The following SEPTIN7 variants were observed in gnomAD, a reference collection of about 807,000 sequenced individuals.
SEPTIN7 encodes the protein septin-7.
A neutral mutation model predicts 63.3 loss-of-function variants in SEPTIN7; 10 were observed. The ratio of observed to expected loss-of-function variants is 0.16; its 90% confidence interval spans 0.10 to 0.27. The LOEUF (loss-of-function observed/expected upper bound fraction) is 0.27. SEPTIN7 is among the 10% of genes least tolerant of loss of function. The pLI is 1.00. For missense variants in SEPTIN7, 310 were observed against 521.0 expected (o/e 0.59, Z 3.94); for synonymous variants, 131 against 165.3 (o/e 0.79, Z 1.59).
chr7:35,855,761 T>A (rs532993510), intron 3 of SEPTIN7, among the ~76,000 whole-genome samples: 1 of 152,320 alleles, frequency 6.6e-6, no homozygotes, highest in South Asian at 2.1e-4. Flanking sequence ...CTGTGTAGCC[T>A]TACATAGGAT....
intron 3 of SEPTIN7, among the ~76,000 whole-genome samples, chr7:35,840,568 A>G (rs1431812302): frequency 6.6e-6 from 1 of 152,000 alleles, no homozygotes; most frequent in Non-Finnish European, 1.5e-5. Context: ...GTGAGTCATC[A>G]TGCCTGGCCA....
At chr7:35,850,060 T>C (rs1231455818) in intron 3 of SEPTIN7, among the ~76,000 whole-genome samples, 3 of 152,220 alleles carry the variant, frequency 2.0e-5, no homozygotes, top group African/African-American at 7.2e-5. Flanking sequence ...TTCATCTACC[T>C]TTCAAATCAT....
intron 10 of SEPTIN7, among the ~76,000 whole-genome samples, chr7:35,889,636 T>G (rs1255664809): frequency 6.6e-6 from 1 of 152,100 alleles, no homozygotes; most frequent in Non-Finnish European, 1.5e-5. Context: ...CTCCACTTCC[T>G]GGGTTCAAGC....
At chr7:35,832,930 CTTTGGTT>C (rs1413307348) in intron 3 of SEPTIN7, 30 bp downstream of exon 3, 10 of 1,318,034 alleles carry the variant, frequency 7.6e-6, no homozygotes, top group Non-Finnish European at 1.1e-5. Flanking sequence ...TAAAATGGAA[CTTTGGTT>C]TAAGTTTTAA....
intron 12 of SEPTIN7, chr7:35,902,245 G>T (rs1788367831): frequency 6.6e-6 from 1 of 150,430 alleles, no homozygotes; most frequent in Non-Finnish European, 1.5e-5. Flanking sequence ...GGATTGACTT[G>T]CACCTAAATG....
intron 4 of SEPTIN7, among the ~76,000 whole-genome samples, chr7:35,864,358 G>A (rs1003516631): frequency 6.6e-6 from 1 of 152,128 alleles, no homozygotes; most frequent in African/African-American, 2.4e-5. Context: ...CAAGATCACA[G>A]GTGATGCTGA....
At chr7:35,890,645 C>T in intron 10 of SEPTIN7, 23 bp from the exon 11 acceptor site, 4 of 1,436,542 alleles carry the variant, frequency 2.8e-6, no homozygotes, top group Non-Finnish European at 3.7e-6. Flanking sequence ...TAGAAGCAAA[C>T]TCTTGCTGTT....
the SEPTIN7 span, among the ~76,000 whole-genome samples, chr7:35,914,906 G>A: frequency 2.0e-5 from 3 of 151,758 alleles, no homozygotes; most frequent in Non-Finnish European, 4.4e-5. Context: ...GTAGATATGT[G>A]TATATAGATA....
chr7:35,856,418 A>G (rs1312625220), intron 3 of SEPTIN7, among the ~76,000 whole-genome samples: 4 of 152,214 alleles, frequency 2.6e-5, no homozygotes, highest in African/African-American at 9.6e-5. Flanking sequence ...CTTGGCAATT[A>G]TAAATAAAGC....
chr7:35,849,370 T>C (rs887910704), intron 3 of SEPTIN7, among the ~76,000 whole-genome samples: 1 of 152,094 alleles, frequency 6.6e-6, no homozygotes, highest in Non-Finnish European at 1.5e-5. Flanking sequence ...TATATTCTTA[T>C]AAGGAGGACG....
intron 4 of SEPTIN7, among the ~76,000 whole-genome samples, chr7:35,870,283 G>C (rs1445860993): frequency 6.6e-6 from 1 of 152,082 alleles, no homozygotes; most frequent in African/African-American, 2.4e-5. Flanking sequence ...TTGTTGAACT[G>C]ATTTTTTTTA....
chr7:35,896,983 C>G (rs1583647593), intron 11 of SEPTIN7, among the ~76,000 whole-genome samples: 1 of 152,032 alleles, frequency 6.6e-6, no homozygotes, highest in East Asian at 1.9e-4. Flanking sequence ...TTGCCTGCTT[C>G]CCTGTTAGAA....
chr7:35,880,257 A>G (rs1432055630), intron 7 of SEPTIN7, among the ~76,000 whole-genome samples: 11 of 24,858 alleles, frequency 4.4e-4, no homozygotes, highest in Non-Finnish European at 9.1e-4. Flanking sequence ...TTATTTTCTT[A>G]GAATGAATTC....
At chr7:35,840,579 G>A (rs1784363269) in intron 3 of SEPTIN7, among the ~76,000 whole-genome samples, 1 of 151,784 alleles carries the variant, frequency 6.6e-6, no homozygotes, top group Non-Finnish European at 1.5e-5. Context: ...TGCCTGGCCA[G>A]CAAAATTGTT....
chr7:35,830,684 A>C (rs1364779019), intron 1 of SEPTIN7, among the ~76,000 whole-genome samples: 1 of 152,234 alleles, frequency 6.6e-6, no homozygotes, highest in Admixed American at 6.5e-5. Context: ...CTTAACTATA[A>C]AACGGACTCC....
chr7:35,833,042 T>G, intron 3 of SEPTIN7, 142 bp downstream of exon 3: 1 of 575,928 alleles, frequency 1.7e-6, no homozygotes, highest in Non-Finnish European at 3.1e-6. Context: ...TGCATACATT[T>G]TAAAATTTAA....
chr7:35,899,025 A>G (rs1243162839), intron 12 of SEPTIN7: 2 of 152,212 alleles, frequency 1.3e-5, no homozygotes, highest in Non-Finnish European at 2.9e-5. Context: ...TGAGTTATAC[A>G]TTTAGTTTCT....
rs1250431598 is a variant in SEPTIN7, at chr7:35,867,814, G to A, written c.276+4156G>A. ...CAATGACACTGTTAGATTTTTTAAA[G>A]TTCTTAGTTGGAAACTACGCTGCTC... On this transcript the variant is annotated intron_variant, in intron 4 of 13. Coordinates refer to ENST00000350320, the MANE Select transcript of SEPTIN7 (RefSeq NM_001788.6). Among the ~76,000 whole-genome samples, 3 of 150,946 alleles carry A rather than the reference G, an allele frequency of 2.0e-5. No homozygotes were observed. The East Asian group carries it at 5.8e-4, about 29-fold the overall frequency.
chr7:35,860,494 C>T (rs10235020), intron 3 of SEPTIN7, among the ~76,000 whole-genome samples: 49,542 of 151,968 alleles, frequency 0.33, 8,301 homozygotes, highest in East Asian at 0.4. Context: ...CTATTTCAAC[C>T]TGAAGGACTA....
Sources: allele counts gnomAD v4.1 joint callset (sites outside exome capture counted in the v4.1 genomes callset), GRCh38; gene constraint gnomAD v4.1.1; transcripts MANE v1.5; gene names NCBI Gene and HGNC (gene_info 2026-07-23, HGNC 2026-07-21).